ANKRD11: variants seen among roughly 807,000 people sequenced by gnomAD.
ANKRD11 encodes the protein ankyrin repeat domain 11.
A neutral mutation model predicts 195.7 loss-of-function variants in ANKRD11; 17 were observed. The observed-to-expected ratio is 0.09, with a 90% confidence interval of 0.06 to 0.13. ANKRD11 has a LOEUF of 0.13. Ranked by LOEUF, ANKRD11 falls within the 10% of genes least tolerant of loss-of-function variation. ANKRD11 has a pLI of 1.00. For missense variants in ANKRD11, 3,735 were observed against 3,566.1 expected (o/e 1.05, Z -1.21); for synonymous variants, 1,953 against 1,528.1 (o/e 1.28, Z -6.49).
chr16:89,410,396 G>A (rs957916231), intron 2 of ANKRD11, among the ~76,000 whole-genome samples: 3 of 152,228 alleles, frequency 2.0e-5, no homozygotes, highest in Admixed American at 6.5e-5. Flanking sequence ...AGGAAATGGA[G>A]ATAATAAACA....
In ANKRD11 at chr16:89,274,794, G is replaced by T; in HGVS notation, c.7713+20C>A. 6.2e-7 allele frequency: 1 copy of T among 1,607,528 alleles called. No individual in the cohort carries two copies. Among genetic ancestry groups the T allele is most frequent in the Non-Finnish European group, 8.5e-7 (1 of 1,179,816 alleles). ...TGCAGGCACTTGGACTCATGGGCCT[G>T]GCATGCAGACGGGCCCTACCTGGCT... On this transcript the variant is annotated intron_variant, in intron 11 of 12. Coordinates refer to ENST00000301030, the MANE Select transcript of ANKRD11 (RefSeq NM_013275.6).
At chr16:89,394,013 C>CA (rs531996616) in intron 2 of ANKRD11, among the ~76,000 whole-genome samples, 29 of 152,320 alleles carry the variant, frequency 1.9e-4, no homozygotes, top group Non-Finnish European at 1.6e-4. Context: ...TCCCAGACCC[C>CA]AGTGTTTGCT....
At chr16:89,376,762 A>G (rs933991115) in intron 2 of ANKRD11, among the ~76,000 whole-genome samples, 2 of 152,210 alleles carry the variant, frequency 1.3e-5, no homozygotes, top group African/African-American at 4.8e-5. Context: ...TTTTGAATGC[A>G]GGTGAAACTC....
At chr16:89,414,646 G>A (rs2042222740) in intron 2 of ANKRD11, among the ~76,000 whole-genome samples, 1 of 152,226 alleles carries the variant, frequency 6.6e-6, no homozygotes, top group South Asian at 2.1e-4. Context: ...GGCTCGGAGA[G>A]TGGAAGGGAG....
intron 1 of ANKRD11, among the ~76,000 whole-genome samples, chr16:89,423,816 G>A (rs184229055): frequency 2.6e-5 from 4 of 152,312 alleles, no homozygotes; most frequent in Admixed American, 6.5e-5. Flanking sequence ...GCCAGCCTGC[G>A]GATGTAACAA....
At chr16:89,448,359 G>T (rs2043903603) in intron 1 of ANKRD11, among the ~76,000 whole-genome samples, 1 of 152,194 alleles carries the variant, frequency 6.6e-6, no homozygotes, top group African/African-American at 2.4e-5. Context: ...TCAAAAATCT[G>T]AATTGAAAGG....
At chr16:89,277,010 C>T (rs1216116361) in intron 9 of ANKRD11, among the ~76,000 whole-genome samples, 2 of 150,652 alleles carry the variant, frequency 1.3e-5, no homozygotes, top group Non-Finnish European at 2.9e-5. Flanking sequence ...GAGCCGACAT[C>T]ACGCCACTGC....
chr16:89,438,443 C>G (rs1270859721), intron 1 of ANKRD11, among the ~76,000 whole-genome samples: 1 of 152,056 alleles, frequency 6.6e-6, no homozygotes, highest in Non-Finnish European at 1.5e-5. Flanking sequence ...TCTCACCCAC[C>G]CGAGTAGCTG....
chr16:89,463,296 G>C (rs2152337208), intron 1 of ANKRD11, among the ~76,000 whole-genome samples: 1 of 152,330 alleles, frequency 6.6e-6, no homozygotes, highest in African/African-American at 2.4e-5. Context: ...GAAAGAAGTA[G>C]ACATGGGAGA....
intron 2 of ANKRD11, among the ~76,000 whole-genome samples, chr16:89,322,894 A>C (rs2037418771): frequency 6.6e-6 from 1 of 152,222 alleles, no homozygotes; most frequent in Admixed American, 6.5e-5. Flanking sequence ...CCCAGGCTGG[A>C]GTGCAGCGGT....
intron 1 of ANKRD11, among the ~76,000 whole-genome samples, chr16:89,442,133 A>G (rs142991632): frequency 0.014 from 2,094 of 152,334 alleles, 66 homozygotes; most frequent in East Asian, 0.062. Context: ...GATGCAGTGC[A>G]CCGAGGGCCA....
intron 2 of ANKRD11, among the ~76,000 whole-genome samples, chr16:89,319,133 A>G (rs1468171578): frequency 6.6e-6 from 1 of 152,196 alleles, no homozygotes; most frequent in Non-Finnish European, 1.5e-5. Context: ...CGGGGCCTTC[A>G]CCATGTAGAG....
rs1340693846 is a variant in ANKRD11, at chr16:89,282,488, G to C, written c.4054C>G (p.His1352Asp). 1 of 1,613,852 alleles carries C rather than the reference G, an allele frequency of 6.2e-7. No homozygotes were observed. Among genetic ancestry groups the C allele is most frequent in the East Asian group, 2.2e-5 (1 of 44,870 alleles). ...EKLKEKERHR[H>D]SSSSSKKSHD... ...CTCTTCTTGGATGAAGATGAGGAGT[G>C]TCTGTGCCTCTCCTTCTCTTTCAGC... Residue 1352 changes from histidine to aspartate, a missense_variant, in exon 9 of 13, where the codon CAC (histidine) becomes GAC (aspartate). His to Asp is a moderately conservative substitution (Grantham distance 81, BLOSUM62 -1). Transcript: ENST00000301030.
chr16:89,297,488 C>G (rs2032215555), intron 4 of ANKRD11: 2 of 152,172 alleles, frequency 1.3e-5, no homozygotes, highest in Non-Finnish European at 2.9e-5. Context: ...AACATCTGGC[C>G]TCATCCGGAT....
intron 2 of ANKRD11, among the ~76,000 whole-genome samples, chr16:89,353,395 A>T (rs1385248150): frequency 6.6e-6 from 1 of 152,094 alleles, no homozygotes; most frequent in African/African-American, 2.4e-5. Flanking sequence ...GTTTCTATTT[A>T]TTTCTCCAGA....
In ANKRD11 at chr16:89,455,305, T is replaced by C. The variant is rs559221727; in HGVS notation, c.-145+34940A>G. On this transcript the variant is annotated intron_variant, in intron 1 of 12. Coordinates refer to ENST00000301030, the MANE Select transcript of ANKRD11 (RefSeq NM_013275.6). ...TCTAGCGTTCCTCAAGCTGCTTCCCTGGGTGCTTCTAGGGTTCCTCAAGCT... is the reference window on the plus strand; with the variant it reads ...TCTAGCGTTCCTCAAGCTGCTTCCCCGGGTGCTTCTAGGGTTCCTCAAGCT... Among the ~76,000 whole-genome samples the C allele has an allele frequency of 3.9e-5, 6 of 151,950 alleles. No homozygotes were observed. The East Asian group carries it at 1.2e-3, about 29-fold the overall frequency.
In ANKRD11 at chr16:89,285,296, C is replaced by T. The variant is rs200886155; in HGVS notation, c.1246G>A (p.Ala416Thr). 173 of 1,613,814 alleles carry T rather than the reference C, an allele frequency of 1.1e-4. 1 individual carries two copies. Among genetic ancestry groups the T allele is most frequent in the Non-Finnish European group, 1.1e-4 (135 of 1,180,034 alleles). Residue 416 changes from alanine to threonine, a missense_variant, in exon 9 of 13, where the codon GCG becomes ACG. Coordinates refer to ENST00000301030, the MANE Select transcript of ANKRD11 (RefSeq NM_013275.6). The surrounding 1 kb of genome is among the most constrained non-coding windows in gnomAD (Gnocchi z 5.6). ...TCTCCTGTCCCCACGGTGACACTCGCGTCCTCCTCGTCCGACGTGTCTGAC... is the reference window on the plus strand; with the variant it reads ...TCTCCTGTCCCCACGGTGACACTCGTGTCCTCCTCGTCCGACGTGTCTGAC... Reference protein sequence around the residue: ...ILSDTSDEEDASVTVGTGEKL... With the variant: ...ILSDTSDEEDTSVTVGTGEKL...
rs570241803 is a variant in ANKRD11, at chr16:89,276,374, C to T, written c.7471-1183G>A. On this transcript the variant is annotated intron_variant, in intron 9 of 12. Transcript: ENST00000301030. ...CAATGGGCTGAGAGAAACAGCCTCA[C>T]GCAGTCTCCACGTCTCTTCCAAGAC... Among the ~76,000 whole-genome samples the T allele has an allele frequency of 1.8e-4, 27 of 152,284 alleles. No individual in the cohort carries two copies. In the East Asian group the frequency reaches 5.0e-3, roughly 28 times the overall value.
At chr16:89,286,630 G>A (rs1017142517) in intron 7 of ANKRD11, 1 of 1,201,714 alleles carries the variant, frequency 8.3e-7, no homozygotes, top group Non-Finnish European at 1.1e-6. Context: ...GAAAGGGTTG[G>A]GGGGACAGAA....
Sources: allele counts gnomAD v4.1 joint callset (sites outside exome capture counted in the v4.1 genomes callset), GRCh38; gene constraint gnomAD v4.1.1; non-coding constraint Gnocchi (gnomAD v3.1); transcripts MANE v1.5; gene names NCBI Gene and HGNC (gene_info 2026-07-23, HGNC 2026-07-21).